The following NMNAT2 variants were observed in gnomAD, a reference collection of about 807,000 sequenced individuals.
The protein encoded by NMNAT2 is nicotinamide nucleotide adenylyltransferase 2.
In NMNAT2, 11 loss-of-function variants were observed where a neutral mutation model predicts 41.6. The observed-to-expected ratio is 0.26, with a 90% CI of 0.17 to 0.44. The LOEUF is 0.44. Ranked by LOEUF, NMNAT2 falls within the 20% of genes least tolerant of loss-of-function variation. The pLI, the probability that NMNAT2 is intolerant of heterozygous loss-of-function variation, is 1.00. For missense variants in NMNAT2, 288 were observed against 407.7 expected (o/e 0.71, Z 2.53); for synonymous variants, 148 against 151.2 (o/e 0.98, Z 0.16).
intron 1 of NMNAT2, among the ~76,000 whole-genome samples, chr1:183,307,657 G>A (rs947652969): frequency 2.6e-5 from 4 of 152,172 alleles, no homozygotes; most frequent in African/African-American, 9.7e-5. Flanking sequence ...TGGCTAGGCT[G>A]GTCTTGAACT....
intron 1 of NMNAT2, among the ~76,000 whole-genome samples, chr1:183,373,278 G>A (rs774654186): frequency 7.2e-5 from 11 of 152,204 alleles, no homozygotes; most frequent in Non-Finnish European, 1.3e-4. Flanking sequence ...TTTAAAAGTC[G>A]GTATTCTCTA....
chr1:183,253,635 T>C lies in NMNAT2; in HGVS notation c.822-892A>G, dbSNP rs1660446707. 1.3e-5 allele frequency among the ~76,000 whole-genome samples: 2 copies of C among 152,128 alleles called. 1 individual carries two copies. The highest frequency in any genetic ancestry group is 4.2e-4 in the South Asian group (2 of 4,818). On this transcript the variant is annotated intron_variant, in intron 10 of 10. Transcript: ENST00000287713. ...GTAATCATGTTTTATTCTCTATCTG[T>C]ATGTTTAAGATTCCATATATATTCC...
At chr1:183,330,372 T>C (rs1215823287) in intron 1 of NMNAT2, among the ~76,000 whole-genome samples, 2 of 152,210 alleles carry the variant, frequency 1.3e-5, no homozygotes, top group East Asian at 1.9e-4. Context: ...GAGACGTCAA[T>C]TGAGCAGAGG....
At chr1:183,400,510 T>C (rs1037544445) in intron 1 of NMNAT2, among the ~76,000 whole-genome samples, 28 of 152,286 alleles carry the variant, frequency 1.8e-4, no homozygotes, top group African/African-American at 6.5e-4. Context: ...ATAGATTCAA[T>C]GCCATCCCCA....
At chr1:183,366,996 A>G (rs945818238) in intron 1 of NMNAT2, among the ~76,000 whole-genome samples, 4 of 152,128 alleles carry the variant, frequency 2.6e-5, no homozygotes, top group African/African-American at 9.7e-5. Flanking sequence ...TTACTTATAC[A>G]TGCTTACTTG....
At chr1:183,390,783 A>C (rs1648460128) in intron 1 of NMNAT2, among the ~76,000 whole-genome samples, 1 of 152,186 alleles carries the variant, frequency 6.6e-6, no homozygotes, top group Non-Finnish European at 1.5e-5. Context: ...AAATTCAACC[A>C]TGTGATGCTG....
At chr1:183,366,352 A>G (rs1245649255) in intron 1 of NMNAT2, among the ~76,000 whole-genome samples, 2 of 152,214 alleles carry the variant, frequency 1.3e-5, no homozygotes, top group Non-Finnish European at 2.9e-5. Flanking sequence ...TTTAGAATTG[A>G]GCTATCACAT....
intron 7 of NMNAT2, 45 bp downstream of exon 7, chr1:183,283,950 A>G (rs2102301865): frequency 6.3e-7 from 1 of 1,596,230 alleles, no homozygotes; most frequent in Non-Finnish European, 8.6e-7. Context: ...GAAGGCAGGG[A>G]GCTCCAAATG....
At chr1:183,289,041 G>C (rs564636472) in intron 4 of NMNAT2, among the ~76,000 whole-genome samples, 1 of 152,222 alleles carries the variant, frequency 6.6e-6, no homozygotes, top group Non-Finnish European at 1.5e-5. Context: ...TCCCCAGGAC[G>C]GAGCAATGAA....
chr1:183,414,008 C>T (rs1216247374), intron 1 of NMNAT2, among the ~76,000 whole-genome samples: 1 of 152,204 alleles, frequency 6.6e-6, no homozygotes, highest in Non-Finnish European at 1.5e-5. Flanking sequence ...ATTAACCACC[C>T]GACCTGAATG....
intron 1 of NMNAT2, among the ~76,000 whole-genome samples, chr1:183,400,567 A>G (rs530110544): frequency 6.6e-6 from 1 of 152,340 alleles, no homozygotes; most frequent in South Asian, 2.1e-4. Context: ...AAACTACTTT[A>G]AAGCTCATAT....
intron 1 of NMNAT2, among the ~76,000 whole-genome samples, chr1:183,364,303 C>G (rs1663369053): frequency 6.6e-6 from 1 of 152,200 alleles, no homozygotes; most frequent in African/African-American, 2.4e-5. Context: ...AATGATTGCT[C>G]TAAAGCAGTT....
At chr1:183,406,812 CTTTTTTTTTTTTTT>C (rs58394186) in intron 1 of NMNAT2, among the ~76,000 whole-genome samples, 1 of 88,666 alleles carries the variant, frequency 1.1e-5, no homozygotes, top group Admixed American at 1.4e-4. Context: ...TCTGCCATTC[CTTTTTTTTTTTTTT>C]TTTTTTTTTT....
intron 7 of NMNAT2, among the ~76,000 whole-genome samples, chr1:183,282,318 T>G (rs1160220646): frequency 6.6e-6 from 1 of 152,178 alleles, no homozygotes; most frequent in African/African-American, 2.4e-5. Flanking sequence ...ACTCCAGAAC[T>G]GCTATGGAGC....
At chr1:183,367,115 C>T (rs550728139) in intron 1 of NMNAT2, among the ~76,000 whole-genome samples, 1 of 152,320 alleles carries the variant, frequency 6.6e-6, no homozygotes, top group African/African-American at 2.4e-5. Context: ...TTTCATATTT[C>T]CACATCCTAG....
At chr1:183,390,208 G>A (rs867682292) in intron 1 of NMNAT2, among the ~76,000 whole-genome samples, 11 of 152,130 alleles carry the variant, frequency 7.2e-5, no homozygotes, top group Middle Eastern at 3.4e-3. Flanking sequence ...ATGTTAAAAC[G>A]GCTACTCAAA....
intron 1 of NMNAT2, among the ~76,000 whole-genome samples, chr1:183,307,862 A>G (rs1406283864): frequency 1.3e-5 from 2 of 152,224 alleles, no homozygotes; most frequent in African/African-American, 4.8e-5. Context: ...GATTACAAGC[A>G]TGAGCTGCCG....
At chr1:183,342,242 C>T (rs1662835971) in intron 1 of NMNAT2, among the ~76,000 whole-genome samples, 2 of 151,948 alleles carry the variant, frequency 1.3e-5, no homozygotes, top group South Asian at 4.2e-4. Context: ...GTAATCCCAG[C>T]ACTTTTGGGA....
At chr1:183,257,419 C>T (rs529120674) in intron 10 of NMNAT2, among the ~76,000 whole-genome samples, 16 of 152,130 alleles carry the variant, frequency 1.1e-4, no homozygotes, top group East Asian at 7.7e-4. Context: ...CCAGCCTGGG[C>T]GACAGAGTGA....
Sources: gnomAD v4.1 joint callset for allele counts (sites outside exome capture counted in the v4.1 genomes callset) on GRCh38, gnomAD v4.1.1 for gene constraint, MANE v1.5 for transcripts, NCBI Gene and HGNC (gene_info 2026-07-23, HGNC 2026-07-21) for gene names.